The following GALNT13 variants were observed in gnomAD, a reference collection of about 807,000 sequenced individuals.
GALNT13 encodes the protein polypeptide N-acetylgalactosaminyltransferase 13, also known as UDP-GalNAc:polypeptide N-acetylgalactosaminyltransferase 13.
In GALNT13, 28 loss-of-function variants were observed where a neutral mutation model predicts 64.2. That is an observed-to-expected ratio of 0.44 (90% CI 0.32 to 0.60). The LOEUF is 0.60. Among genes scored for constraint, GALNT13 ranks in the 20% least tolerant of loss-of-function variants. The pLI is 0.05. For synonymous variants in GALNT13, 214 were observed against 224.6 expected (o/e 0.95, Z 0.42); for missense variants, 577 against 669.8 (o/e 0.86, Z 1.53).
the GALNT13 span, among the ~76,000 whole-genome samples, chr2:153,627,271 T>A: frequency 2.6e-5 from 4 of 152,102 alleles, no homozygotes; most frequent in Non-Finnish European, 5.9e-5. Context: ...TTATGTATCT[T>A]TCTATAAGTG....
At chr2:153,154,991 G>T in the GALNT13 span, among the ~76,000 whole-genome samples, 1 of 152,120 alleles carries the variant, frequency 6.6e-6, no homozygotes, top group South Asian at 2.1e-4. Context: ...AAATCATGTG[G>T]TTTTTGTCTT....
rs1271224353 is a variant in GALNT13, at chr2:154,015,295, C to G, written c.142+70656C>G. 2.0e-5 allele frequency among the ~76,000 whole-genome samples: 3 copies of G among 152,088 alleles called. No homozygotes were observed. In the East Asian group the frequency reaches 5.8e-4, roughly 29 times the overall value. On this transcript the variant is annotated intron_variant, in intron 3 of 12. Transcript: ENST00000392825. ...TTTTAAGTTGTATTTGAAAAAATAG[C>G]AATATTTGTTAAAAATTTAACAATA...
At chr2:153,636,420 T>C in the GALNT13 span, among the ~76,000 whole-genome samples, 1 of 152,174 alleles carries the variant, frequency 6.6e-6, no homozygotes, top group East Asian at 1.9e-4. Context: ...TCAGTTGATA[T>C]TAATGTGTAA....
the GALNT13 span, among the ~76,000 whole-genome samples, chr2:153,653,744 C>T: frequency 6.6e-6 from 1 of 152,014 alleles, no homozygotes; most frequent in Non-Finnish European, 1.5e-5. Context: ...TAATTCATTA[C>T]TTTGTAAATA....
chr2:153,523,043 A>ATTTTT, the GALNT13 span, among the ~76,000 whole-genome samples: 355 of 83,344 alleles, frequency 4.3e-3, 6 homozygotes, highest in East Asian at 8.0e-3. Context: ...TGTGTTTACT[A>ATTTTT]TTTTTTTTTT....
At chr2:154,244,419 C>T (rs938595090) in intron 6 of GALNT13, among the ~76,000 whole-genome samples, 4 of 152,004 alleles carry the variant, frequency 2.6e-5, no homozygotes, top group East Asian at 1.9e-4. Context: ...TCTTGTTGAT[C>T]GCAGATAAGT....
At chr2:154,153,103 G>A (rs1267836545) in intron 4 of GALNT13, among the ~76,000 whole-genome samples, 1 of 152,128 alleles carries the variant, frequency 6.6e-6, no homozygotes, top group African/African-American at 2.4e-5. Flanking sequence ...GTACAGATGG[G>A]TTTTTGGTGT....
chr2:153,116,781 G>A, the GALNT13 span, among the ~76,000 whole-genome samples: 1 of 148,966 alleles, frequency 6.7e-6, no homozygotes, highest in Non-Finnish European at 1.5e-5. Context: ...AACAGAGATA[G>A]GTGTGTTGTC....
At chr2:153,439,234 G>A in the GALNT13 span, among the ~76,000 whole-genome samples, 1 of 152,114 alleles carries the variant, frequency 6.6e-6, no homozygotes, top group African/African-American at 2.4e-5. Flanking sequence ...CCCCTACTTG[G>A]GGGTGGCTCC....
the GALNT13 span, among the ~76,000 whole-genome samples, chr2:153,225,816 A>C: frequency 1.3e-5 from 2 of 152,214 alleles, no homozygotes; most frequent in Non-Finnish European, 2.9e-5. Flanking sequence ...TGATGAGAGA[A>C]ATAAAAGATC....
chr2:153,115,835 T>G, the GALNT13 span, among the ~76,000 whole-genome samples: 1 of 152,232 alleles, frequency 6.6e-6, no homozygotes, highest in Non-Finnish European at 1.5e-5. Flanking sequence ...CTGTCACATT[T>G]GTCTAATAAG....
At chr2:153,326,558 T>A in the GALNT13 span, among the ~76,000 whole-genome samples, 4 of 152,206 alleles carry the variant, frequency 2.6e-5, no homozygotes, top group East Asian at 7.7e-4. Flanking sequence ...TACCCATTAG[T>A]TGATGCAGTT....
At chr2:153,917,700 T>C (rs1196654945) in intron 2 of GALNT13, among the ~76,000 whole-genome samples, 1 of 152,050 alleles carries the variant, frequency 6.6e-6, no homozygotes, top group Non-Finnish European at 1.5e-5. Flanking sequence ...AGCCAAAAAA[T>C]AGAGCTACCA....
chr2:153,700,727 G>A, the GALNT13 span, among the ~76,000 whole-genome samples: 26 of 152,124 alleles, frequency 1.7e-4, no homozygotes, highest in African/African-American at 5.5e-4. Context: ...AATCATGAAC[G>A]ATCCCCTATC....
chr2:154,173,658 G>T (rs958210891), intron 4 of GALNT13, among the ~76,000 whole-genome samples: 1 of 151,812 alleles, frequency 6.6e-6, no homozygotes, highest in Admixed American at 6.6e-5. Context: ...CATCTGACAA[G>T]GAATTAATAA....
At chr2:153,400,977 G>T in the GALNT13 span, among the ~76,000 whole-genome samples, 4 of 151,340 alleles carry the variant, frequency 2.6e-5, no homozygotes, top group African/African-American at 9.8e-5. Flanking sequence ...GCTTTTGCAT[G>T]TGTTTGCTCT....
At chr2:154,274,991 G>A (rs978320870) in intron 8 of GALNT13, among the ~76,000 whole-genome samples, 1 of 152,100 alleles carries the variant, frequency 6.6e-6, no homozygotes, top group Non-Finnish European at 1.5e-5. Flanking sequence ...CTGGAGTAAA[G>A]GTCACTCTTG....
At chr2:153,154,141 C>A in the GALNT13 span, among the ~76,000 whole-genome samples, 1 of 151,942 alleles carries the variant, frequency 6.6e-6, no homozygotes, top group Admixed American at 6.6e-5. Flanking sequence ...GTGTCCTCAC[C>A]CAAATCTCAT....
chr2:153,860,131 T>C, the GALNT13 span, among the ~76,000 whole-genome samples: 2 of 152,230 alleles, frequency 1.3e-5, no homozygotes, highest in Admixed American at 6.5e-5. Context: ...AATACATGAA[T>C]TTATTCAGAC....
Sources: gnomAD v4.1 joint callset for allele counts (sites outside exome capture counted in the v4.1 genomes callset) on GRCh38, gnomAD v4.1.1 for gene constraint, MANE v1.5 for transcripts, NCBI Gene and HGNC (gene_info 2026-07-23, HGNC 2026-07-21) for gene names.